CSMD1: variants seen among roughly 807,000 people sequenced by gnomAD.
CSMD1 encodes CUB and sushi domain-containing protein 1.
CSMD1 carries 213 observed loss-of-function variants against 417.5 expected under a neutral mutation model. That is an observed-to-expected ratio of 0.51 (90% CI 0.46 to 0.57). The LOEUF is 0.57. Ranked by LOEUF, CSMD1 falls within the 20% of genes least tolerant of loss-of-function variation. The pLI, the probability that CSMD1 is intolerant of heterozygous loss-of-function variation, is 0.00. For missense variants in CSMD1, 6,923 were observed against 4,529.7 expected (o/e 1.53, Z -15.17); for synonymous variants, 2,862 against 1,736.8 (o/e 1.65, Z -16.11).
rs988692895 is a variant in CSMD1, at chr8:4,306,659, T to C, written c.415+113294A>G. 3.3e-5 allele frequency among the ~76,000 whole-genome samples: 5 copies of C among 152,214 alleles called. No homozygotes were observed. The East Asian group carries it at 5.8e-4, about 18-fold the overall frequency. On this transcript the variant is annotated intron_variant, in intron 3 of 69. Coordinates refer to ENST00000635120, the MANE Select transcript of CSMD1 (RefSeq NM_033225.6). ...CTGGATGTATCCATTGTCGATCACATGTAGGTGATTGTACAATTCACATGC... is the reference window on the plus strand; with the variant it reads ...CTGGATGTATCCATTGTCGATCACACGTAGGTGATTGTACAATTCACATGC...
chr8:3,120,233 T>C (rs1817118813), intron 41 of CSMD1, among the ~76,000 whole-genome samples: 1 of 152,030 alleles, frequency 6.6e-6, no homozygotes, highest in Non-Finnish European at 1.5e-5. Context: ...ACAAAGAGCT[T>C]GATGCGGGAT....
At chr8:4,764,503 C>G (rs769364160) in intron 1 of CSMD1, among the ~76,000 whole-genome samples, 7 of 152,088 alleles carry the variant, frequency 4.6e-5, no homozygotes, top group South Asian at 2.1e-4. Flanking sequence ...AATTAGTATT[C>G]CAAGGAATGG....
At chr8:4,334,386 C>G (rs1320076532) in intron 3 of CSMD1, among the ~76,000 whole-genome samples, 1 of 152,076 alleles carries the variant, frequency 6.6e-6, no homozygotes, top group Non-Finnish European at 1.5e-5. Context: ...GGGCTTCATT[C>G]AATCTGAGGG....
At position 3,257,997 on chromosome 8, in the gene CSMD1, G is replaced by C. The variant is rs959086779; in HGVS notation, c.4153+26147C>G. Among the ~76,000 whole-genome samples, 57 of 152,264 alleles carry C rather than the reference G, an allele frequency of 3.7e-4. 1 individual carries two copies. The highest frequency in any genetic ancestry group is 1.5e-5 in the Non-Finnish European group (1 of 68,020). ...AGACCAGGTGGAAGGCTATTGCAGGGGCACGGCAGGAGATTGGAGGAGACT... is the reference window on the plus strand; with the variant it reads ...AGACCAGGTGGAAGGCTATTGCAGGCGCACGGCAGGAGATTGGAGGAGACT... On this transcript the variant is annotated intron_variant, in intron 26 of 69. Transcript: ENST00000635120.
chr8:4,985,006 T>G (rs927517685), intron 1 of CSMD1, among the ~76,000 whole-genome samples: 2 of 152,166 alleles, frequency 1.3e-5, no homozygotes, highest in Non-Finnish European at 2.9e-5. Context: ...AAAAATGTGA[T>G]GTAGCCATGG....
chr8:4,099,337 T>C lies in CSMD1; in HGVS notation c.416-67238A>G, dbSNP rs569321812. On this transcript the variant is annotated intron_variant, in intron 3 of 69. Coordinates refer to ENST00000635120, the MANE Select transcript of CSMD1 (RefSeq NM_033225.6). ...AAGGAGCTATACTCACTTTCTCCCA[T>C]TTTCAACATCTGTTCAGTCATAAAA... Among the ~76,000 whole-genome samples the C allele has an allele frequency of 2.6e-5, 4 of 152,250 alleles. No homozygotes were observed. The South Asian group carries it at 8.3e-4, about 32-fold the overall frequency.
intron 1 of CSMD1, among the ~76,000 whole-genome samples, chr8:4,812,716 T>C (rs185512238): frequency 1.3e-5 from 2 of 152,318 alleles, no homozygotes; most frequent in African/African-American, 4.8e-5. Context: ...AAAAATACTA[T>C]TAAAAGAAAT....
chr8:4,755,145 T>A (rs926081045), intron 1 of CSMD1, among the ~76,000 whole-genome samples: 3 of 152,214 alleles, frequency 2.0e-5, no homozygotes, highest in East Asian at 1.9e-4. Flanking sequence ...AAATAAATAA[T>A]TAAATAAATA....
chr8:3,391,883 T>C (rs1188660845), intron 17 of CSMD1, among the ~76,000 whole-genome samples: 1 of 152,110 alleles, frequency 6.6e-6, no homozygotes, highest in Non-Finnish European at 1.5e-5. Flanking sequence ...GTGAAACATG[T>C]ATGATGAAAC....
At chr8:4,613,228 G>T (rs1022700003) in intron 2 of CSMD1, among the ~76,000 whole-genome samples, 1 of 152,164 alleles carries the variant, frequency 6.6e-6, no homozygotes, top group Non-Finnish European at 1.5e-5. Flanking sequence ...TGTTGAGTGT[G>T]TACAAATTGT....
In CSMD1 at chr8:4,718,130, T is replaced by C. The variant is rs373866010; in HGVS notation, c.86-80572A>G. On this transcript the variant is annotated intron_variant, in intron 1 of 69. Coordinates refer to ENST00000635120, the MANE Select transcript of CSMD1 (RefSeq NM_033225.6). ...CTGGTATGACAGGCACATGCCACCATGCCCAGCATATATTTTACATTATTT... is the reference window on the plus strand; with the variant it reads ...CTGGTATGACAGGCACATGCCACCACGCCCAGCATATATTTTACATTATTT... Among the ~76,000 whole-genome samples the C allele has an allele frequency of 1.8e-3, 277 of 152,186 alleles. 9 individuals are homozygous for C. In the South Asian group the frequency reaches 0.048, roughly 26 times the overall value.
At chr8:3,084,759 C>T (rs72621195) in intron 49 of CSMD1, among the ~76,000 whole-genome samples, 37,173 of 151,692 alleles carry the variant, frequency 0.25, 4,940 homozygotes, top group East Asian at 0.34. Flanking sequence ...TTTTATAATT[C>T]CTTCCCAATG....
At chr8:4,688,611 G>A (rs1212816173) in intron 1 of CSMD1, among the ~76,000 whole-genome samples, 1 of 152,186 alleles carries the variant, frequency 6.6e-6, no homozygotes, top group Non-Finnish European at 1.5e-5. Flanking sequence ...TTATTCAACT[G>A]AATGTCATGT....
At chr8:4,207,064 G>A (rs1263675351) in intron 3 of CSMD1, among the ~76,000 whole-genome samples, 1 of 152,096 alleles carries the variant, frequency 6.6e-6, no homozygotes. Context: ...ACATTTGCAA[G>A]AGGTGTATTA....
At chr8:3,845,541 T>C (rs1233711790) in intron 5 of CSMD1, among the ~76,000 whole-genome samples, 1 of 152,168 alleles carries the variant, frequency 6.6e-6, no homozygotes, top group East Asian at 1.9e-4. Context: ...GGACCAGAAG[T>C]TGCTCTGGGT....
chr8:4,042,752 A>G (rs1314774378), intron 3 of CSMD1, among the ~76,000 whole-genome samples: 4 of 148,620 alleles, frequency 2.7e-5, no homozygotes, highest in African/African-American at 9.9e-5. Flanking sequence ...GAGGCTGGGT[A>G]AGAAGAAAGG....
chr8:3,769,080 G>T (rs1308221860), intron 5 of CSMD1, among the ~76,000 whole-genome samples: 1 of 152,232 alleles, frequency 6.6e-6, no homozygotes, highest in African/African-American at 2.4e-5. Flanking sequence ...AAAAGTCAGA[G>T]TTGAGCAAAC....
At chr8:3,097,476 G>T (rs59955046) in intron 46 of CSMD1, among the ~76,000 whole-genome samples, 5,505 of 152,212 alleles carry the variant, frequency 0.036, 400 homozygotes, top group African/African-American at 0.12. Context: ...TACCCCTGGG[G>T]ATACATTCCA....
chr8:3,562,352 C>T (rs182959302), intron 10 of CSMD1, among the ~76,000 whole-genome samples: 24 of 76,952 alleles, frequency 3.1e-4, no homozygotes, highest in Middle Eastern at 7.7e-3. Context: ...GTCAGTATTG[C>T]TAATGGGACA....
Sources: allele counts gnomAD v4.1 joint callset (sites outside exome capture counted in the v4.1 genomes callset), GRCh38; gene constraint gnomAD v4.1.1; transcripts MANE v1.5; gene names NCBI Gene and HGNC (gene_info 2026-07-23, HGNC 2026-07-21).